Variants in SPRED3 observed in about 807,000 individuals in gnomAD.
SPRED3 encodes the protein sprouty-related, EVH1 domain-containing protein 3.
A neutral mutation model predicts 37.6 loss-of-function variants in SPRED3; 23 were observed. The ratio of observed to expected loss-of-function variants is 0.61; its 90% CI spans 0.44 to 0.87. SPRED3 has a LOEUF of 0.87. Ranked by LOEUF, SPRED3 falls within the 40% of genes least tolerant of loss-of-function variation. SPRED3 has a pLI of 0.00. For synonymous variants in SPRED3, 302 were observed against 279.6 expected (o/e 1.08, Z -0.80); for missense variants, 584 against 618.6 (o/e 0.94, Z 0.59).
rs1970893599 is a variant in SPRED3, at chr19:38,396,012, G to GGGCCGCGCT, written c.1110_1118dup (p.Ala371_Leu373dup). The stretch of plus-strand genomic sequence containing the variant: ...GGCCACCCGCGCCCCGCCGCGCGCT[G>GGGCCGCGCT]GGCCGCGCTGGCCGCGCTCTCCCTG... On this transcript the variant is annotated inframe_insertion, in exon 6 of 6. Transcript: ENST00000691638. The GGGCCGCGCT allele has an allele frequency of 6.5e-6, 9 of 1,378,522 alleles. No individual in the cohort carries two copies. Among genetic ancestry groups the GGGCCGCGCT allele is most frequent in the Non-Finnish European group, 7.4e-6 (8 of 1,075,912 alleles). The allele number at this position is 1,378,522 out of a possible 1,614,324, so 85.4% of individuals were successfully genotyped here.
Position 38,395,765 on chromosome 19 carries a change from G to C in SPRED3, c.853G>C (p.Ala285Pro). 6.8e-7 allele frequency: 1 copy of C among 1,460,218 alleles called. No individual in the cohort carries two copies. Among genetic ancestry groups the C allele is most frequent in the Non-Finnish European group, 9.0e-7 (1 of 1,114,750 alleles). 90.5% of individuals were successfully genotyped at this position (1,460,218 alleles called of 1,614,324 possible). A position where few individuals can be genotyped will look rare whatever the true frequency, so the allele number is the denominator to read the frequency against. Residue 285 changes from alanine (A) to proline (P), a missense_variant, in exon 6 of 6, where the codon GCC becomes CCC. Around this residue, in one of 7 missense-constraint regions of SPRED3, gnomAD observed 310 missense variants for 281.1 expected, o/e 1.10. Coordinates refer to ENST00000691638, the MANE Select transcript of SPRED3 (RefSeq NM_001394336.1). This position sits in a 1 kb window ranked among gnomAD's most constrained non-coding sequence, Gnocchi z 5.2. The part of the protein sequence containing the change: ...PPGPGPSSAP[A>P]KASPEAEEAA... ...CGGCCCGGGCCCATCCTCTGCGCCT[G>C]CCAAGGCCTCCCCGGAAGCGGAGGA...
rs1413434936 is a variant in SPRED3 at position 38,388,764 on chromosome 19, G to A, written c.-48G>A. The A allele has an allele frequency of 2.5e-6, 1 of 398,268 alleles. No homozygotes were observed. The highest frequency in any genetic ancestry group is 2.1e-5 in the African/African-American group (1 of 48,724). The allele number at this position is 398,268 out of a possible 1,614,324, so 24.7% of individuals were successfully genotyped here. ...GAGCCGGAACGAAAAGGAGGAGGAG[G>A]AGGCCGCGTCGCCGCCGCTCGGAGC... On this transcript the variant is annotated 5_prime_UTR_variant, in exon 1 of 6. Transcript: ENST00000691638.
chr19:38,391,842 T>A, intron 2 of SPRED3, 104 bp from the exon 3 acceptor site: 1 of 1,346,834 alleles, frequency 7.4e-7, no homozygotes, highest in Non-Finnish European at 1.0e-6. Context: ...GGAAATGAGG[T>A]TTGTGAGAAG....
Position 38,389,736 on chromosome 19 carries a change from C to T in SPRED3, c.-4-563C>T, listed in dbSNP as rs879175155. The T allele has an allele frequency of 7.7e-5, 9 of 117,522 alleles. No individual in the cohort carries two copies. In the Admixed American group the frequency reaches 1.1e-3, roughly 15 times the overall value. The allele number at this position is 117,522 out of a possible 1,614,324, so 7.3% of individuals were successfully genotyped here. On this transcript the variant is annotated intron_variant, in intron 1 of 5. Transcript: ENST00000691638. ...GCCCATCTCCCGTTGCTGGGTGACT[C>T]AGTGAGCTTTGCATCCGGTCTCATT...
At chr19:38,394,219 C>A in intron 4 of SPRED3, 1 of 1,308,012 alleles carries the variant, frequency 7.6e-7, no homozygotes, top group Non-Finnish European at 1.0e-6. Flanking sequence ...CAGTGTGGGG[C>A]TGGGAGTGAG....
Position 38,396,781 on chromosome 19 carries a change from C to T in SPRED3, c.*636C>T, listed in dbSNP as rs906455499. 11 of 152,134 alleles carry T rather than the reference C, an allele frequency of 7.2e-5. No individual in the cohort carries two copies. Among genetic ancestry groups the T allele is most frequent in the Non-Finnish European group, 1.5e-4 (10 of 67,996 alleles). The allele number at this position is 152,134 out of a possible 1,614,324, so 9.4% of individuals were successfully genotyped here. ...ATGCTCTGGAATCTCCAGATGCTGC[C>T]CCTCAAATCTACCCACGACTTAGTG... On this transcript the variant is annotated 3_prime_UTR_variant, in exon 6 of 6. Coordinates refer to ENST00000691638, the MANE Select transcript of SPRED3 (RefSeq NM_001394336.1).
chr19:38,395,893 C>T lies in SPRED3; in HGVS notation c.981C>T (p.Arg327=). Residue 327 remains arginine, a synonymous_variant, in exon 6 of 6, where the codon CGC becomes CGT. Coordinates refer to ENST00000691638, the MANE Select transcript of SPRED3 (RefSeq NM_001394336.1). This position sits in a 1 kb window ranked among gnomAD's most constrained non-coding sequence, Gnocchi z 5.2. Reference sequence around the variant, plus strand: ...CGGACCCGGGTCGCCTCCTGGTGCGCCGTCTAAGCTGCCTGTGGTGCGCCG... The same window carrying T: ...CGGACCCGGGTCGCCTCCTGGTGCGTCGTCTAAGCTGCCTGTGGTGCGCCG... ...EAPDPGRLLV[R]RLSCLWCAES... 1 of 1,504,074 alleles carries T rather than the reference C, an allele frequency of 6.6e-7. No homozygotes were observed. Among genetic ancestry groups the T allele is most frequent in the Non-Finnish European group, 8.8e-7 (1 of 1,135,106 alleles). The allele number at this position is 1,504,074 out of a possible 1,614,324, so 93.2% of individuals were successfully genotyped here.
In SPRED3 at chr19:38,392,336, T is replaced by C. The variant is rs182125003; in HGVS notation, c.423+48T>C. The C allele has an allele frequency of 5.5e-4, 801 of 1,458,574 alleles. 2 individuals are homozygous for C. The highest frequency in any genetic ancestry group is 6.5e-4 in the Non-Finnish European group (723 of 1,103,972). 90.4% of individuals were successfully genotyped at this position (1,458,574 alleles called of 1,614,324 possible). A position where few individuals can be genotyped will look rare whatever the true frequency, so the allele number is the denominator to read the frequency against. ...TGCTGGGGGAGGGTAGGGGTTTTGTTTTTATTCTATGAACATTCTTGAGCA... is the reference window on the plus strand; with the variant it reads ...TGCTGGGGGAGGGTAGGGGTTTTGTCTTTATTCTATGAACATTCTTGAGCA... On this transcript the variant is annotated intron_variant, in intron 4 of 5. Transcript: ENST00000691638.
chr19:38,397,848 A>T lies in SPRED3; in HGVS notation c.*1703A>T, dbSNP rs1212348709. On this transcript the variant is annotated 3_prime_UTR_variant, in exon 6 of 6. Coordinates refer to ENST00000691638, the MANE Select transcript of SPRED3 (RefSeq NM_001394336.1). ...CACTTTGGGAGGCCAAGGGAGGAGG[A>T]TCGCTTAAGGCCAGGAGTTTGAGAC... 1 of 151,742 alleles carries T rather than the reference A, an allele frequency of 6.6e-6. No homozygotes were observed. The highest frequency in any genetic ancestry group is 6.6e-5 in the Admixed American group (1 of 15,208). The allele number at this position is 151,742 out of a possible 1,614,324, so 9.4% of individuals were successfully genotyped here.
intron 1 of SPRED3, among the ~76,000 whole-genome samples, chr19:38,389,237 C>CA (rs1335143869): frequency 1.3e-5 from 2 of 152,194 alleles, no homozygotes; most frequent in Admixed American, 1.3e-4. Flanking sequence ...TGCTCATTCA[C>CA]AAAATCCCAT....
At chr19:38,392,525 T>G (rs747298602) in intron 4 of SPRED3, 19 of 438,756 alleles carry the variant, frequency 4.3e-5, no homozygotes, top group Middle Eastern at 5.9e-4. Context: ...AGGCAGTGCT[T>G]TAGGCACTGG....
chr19:38,390,773 C>CA (rs1555745942), intron 2 of SPRED3, among the ~76,000 whole-genome samples: 8 of 116,714 alleles, frequency 6.9e-5, no homozygotes, highest in Non-Finnish European at 1.1e-4. Flanking sequence ...TGCCCCCCCC[C>CA]CCCCGCCCCG....
chr19:38,392,540 C>T (rs1436368310), intron 4 of SPRED3: 3 of 396,062 alleles, frequency 7.6e-6, no homozygotes, highest in East Asian at 7.5e-5. Flanking sequence ...CACTGGGTTA[C>T]ATCAGTGAAC....
chr19:38,395,659 C>G lies in SPRED3; in HGVS notation c.747C>G (p.Gly249=). Residue 249 remains glycine, a synonymous_variant, in exon 6 of 6, where the codon GGC becomes GGG. Coordinates refer to ENST00000691638, the MANE Select transcript of SPRED3 (RefSeq NM_001394336.1). This position sits in a 1 kb window ranked among gnomAD's most constrained non-coding sequence, Gnocchi z 5.2. ...TCGCCAAGACCGGCGCGTTGAGGGG[C>G]GCTGCCCTGGGTCCCCCAGCGGCAC... ...VRFAKTGALR[G]AALGPPAALP... is the part of the protein sequence containing the mutation. 2 of 1,519,482 alleles carry G rather than the reference C, an allele frequency of 1.3e-6. No homozygotes were observed. The highest frequency in any genetic ancestry group is 1.4e-5 in the African/African-American group (1 of 69,846). 94.1% of individuals were successfully genotyped at this position (1,519,482 alleles called of 1,614,324 possible).
chr19:38,396,471 G>A lies in SPRED3; in HGVS notation c.*326G>A, dbSNP rs533806488. 10 of 205,924 alleles carry A rather than the reference G, an allele frequency of 4.9e-5. No homozygotes were observed. Among genetic ancestry groups the A allele is most frequent in the Non-Finnish European group, 8.7e-5 (9 of 103,824 alleles). The allele number at this position is 205,924 out of a possible 1,614,324, so 12.8% of individuals were successfully genotyped here. A position where few individuals can be genotyped will look rare whatever the true frequency, so the allele number is the denominator to read the frequency against. The stretch of plus-strand genomic sequence containing the variant: ...CAGGGAGCACATAGATCCCGAAAAG[G>A]GCAGGTCCCTGTTGAAATGAACAAC... On this transcript the variant is annotated 3_prime_UTR_variant, in exon 6 of 6. Transcript: ENST00000691638.
At chr19:38,394,539 C>G in intron 4 of SPRED3, 104 bp from the exon 5 acceptor site, 3 of 1,559,400 alleles carry the variant, frequency 1.9e-6, no homozygotes, top group Non-Finnish European at 2.6e-6. Flanking sequence ...TGAACCCAGG[C>G]CTTCCTGGCC....
chr19:38,392,515 AG>A, intron 4 of SPRED3: 1 of 471,378 alleles, frequency 2.1e-6, no homozygotes, highest in Non-Finnish European at 3.6e-6. Context: ...TCTGTATACC[AG>A]GCAGTGCTTT....
chr19:38,389,597 T>C (rs1053847280), intron 1 of SPRED3: 1 of 152,242 alleles, frequency 6.6e-6, no homozygotes, highest in Non-Finnish European at 1.5e-5. Flanking sequence ...CCTTGATTTT[T>C]GTGAATGAAA....
intron 4 of SPRED3, among the ~76,000 whole-genome samples, chr19:38,393,530 A>T (rs6508790): frequency 1.3e-5 from 2 of 151,428 alleles, no homozygotes; most frequent in Non-Finnish European, 2.9e-5. Flanking sequence ...TAGAGACGGG[A>T]TTTCACTATG....
Sources: allele counts gnomAD v4.1 joint callset (sites outside exome capture counted in the v4.1 genomes callset), GRCh38; gene constraint gnomAD v4.1.1; regional missense constraint gnomAD v4.1.1; non-coding constraint Gnocchi (gnomAD v3.1); transcripts MANE v1.5; gene names NCBI Gene and HGNC (gene_info 2026-07-23, HGNC 2026-07-21).